BRWD1: variants seen among roughly 807,000 people sequenced by gnomAD.
BRWD1 encodes bromodomain and WD repeat domain containing 1, also known as bromodomain and WD repeat-containing protein 1.
In BRWD1, 82 loss-of-function variants were observed where a neutral mutation model predicts 251.2. The ratio of observed to expected loss-of-function variants is 0.33; its 90% CI spans 0.27 to 0.39. The LOEUF (loss-of-function observed/expected upper bound fraction) is 0.39, where lower values mean the gene tolerates loss of function less well. BRWD1 is among the 10% of genes least tolerant of loss of function. BRWD1 has a pLI of 1.00. For synonymous variants in BRWD1, 918 were observed against 902.8 expected (o/e 1.02, Z -0.30); for missense variants, 2,233 against 2,711.6 (o/e 0.82, Z 3.92).
rs2031714735 is a variant in BRWD1, at chr21:39,194,581, A to G, written c.*1678T>C. 1 of 1,473,084 alleles carries G rather than the reference A, an allele frequency of 6.8e-7. No individual in the cohort carries two copies. The highest frequency in any genetic ancestry group is 9.0e-7 in the Non-Finnish European group (1 of 1,116,738). 91.3% of individuals were successfully genotyped at this position (1,473,084 alleles called of 1,614,324 possible). A position where few individuals can be genotyped will look rare whatever the true frequency, so the allele number is the denominator to read the frequency against. On this transcript the variant is annotated 3_prime_UTR_variant, in exon 41 of 41. Transcript: ENST00000342449. ...CACCTATCTCAGTTGATAATGTCCA[A>G]AAACATCCTTCCCCATGCATCAGAG...
intron 17 of BRWD1, among the ~76,000 whole-genome samples, chr21:39,263,121 T>C (rs748770256): frequency 2.0e-5 from 3 of 152,102 alleles, no homozygotes; most frequent in Non-Finnish European, 4.4e-5. Flanking sequence ...TAAACACACA[T>C]ACACTTGAAT....
intron 27 of BRWD1, 24 bp downstream of exon 27, chr21:39,228,476 A>T: frequency 6.5e-7 from 1 of 1,549,304 alleles, no homozygotes; most frequent in Non-Finnish European, 8.9e-7. Flanking sequence ...AAGGGTATAT[A>T]AAACTTAGTA....
In BRWD1 at chr21:39,313,519, C is replaced by A. The variant is rs908949375; in HGVS notation, c.-28G>T. Reference sequence around the variant, plus strand: ...CCGGGCGCGGGGCGGGAGGCGGGAGCGAGCGAGCGAGCGGAGCGTGTAGGC... The same window carrying A: ...CCGGGCGCGGGGCGGGAGGCGGGAGAGAGCGAGCGAGCGGAGCGTGTAGGC... On this transcript the variant is annotated 5_prime_UTR_variant, in exon 1 of 41. Coordinates refer to ENST00000342449, the MANE Select transcript of BRWD1 (RefSeq NM_033656.4). 7.6e-7 allele frequency: 1 copy of A among 1,319,186 alleles called. No homozygotes were observed. The highest frequency in any genetic ancestry group is 9.6e-7 in the Non-Finnish European group (1 of 1,039,408). 81.7% of individuals were successfully genotyped at this position (1,319,186 alleles called of 1,614,324 possible). A position where few individuals can be genotyped will look rare whatever the true frequency, so the allele number is the denominator to read the frequency against.
At position 39,228,497 on chromosome 21, in the gene BRWD1, T is replaced by C; in HGVS notation, c.3208+3A>G. 3 of 1,606,812 alleles carry C rather than the reference T, an allele frequency of 1.9e-6. No homozygotes were observed. The highest frequency in any genetic ancestry group is 2.6e-6 in the Non-Finnish European group (3 of 1,173,788). ...ATATAAAACTTAGTAAGGATAGACTTACAAGACTGCCAATTCCTCTGTCTT... is the reference window on the plus strand; with the variant it reads ...ATATAAAACTTAGTAAGGATAGACTCACAAGACTGCCAATTCCTCTGTCTT... On this transcript the variant is annotated splice_donor_region_variant and intron_variant, in intron 27 of 40. Coordinates refer to ENST00000342449, the MANE Select transcript of BRWD1 (RefSeq NM_033656.4).
In BRWD1 at chr21:39,247,728, T is replaced by C; in HGVS notation, c.2454A>G (p.Gly818=). Residue 818 remains glycine, a synonymous_variant, in exon 21 of 41, where the codon GGA becomes GGG. Transcript: ENST00000342449. The stretch of plus-strand genomic sequence containing the variant: ...GTCTTACAGAGCTTGAAGACTCATT[T>C]CCAGAAGATAACTCACGCCAGCTAC... ...RNRSWRELSS[G]NESSSSVRHE... is the part of the protein sequence containing the mutation. 1 of 1,613,096 alleles carries C rather than the reference T, an allele frequency of 6.2e-7. No homozygotes were observed. The highest frequency in any genetic ancestry group is 1.1e-5 in the South Asian group (1 of 90,790).
chr21:39,264,377 AAAGGT>A (rs1419780866), intron 17 of BRWD1, 78 bp downstream of exon 17: 1 of 831,068 alleles, frequency 1.2e-6, no homozygotes, highest in Non-Finnish European at 1.8e-6. Context: ...TTGGGGATCT[AAAGGT>A]AAGGAAATTA....
intron 18 of BRWD1, among the ~76,000 whole-genome samples, chr21:39,257,284 G>C (rs945019382): frequency 2.0e-5 from 3 of 151,998 alleles, no homozygotes; most frequent in Non-Finnish European, 2.9e-5. Context: ...CAATACAGTA[G>C]GTGCCAGAAG....
intron 8 of BRWD1, among the ~76,000 whole-genome samples, chr21:39,286,160 G>A (rs780028988): frequency 5.9e-4 from 89 of 151,858 alleles, no homozygotes; most frequent in Admixed American, 5.2e-4. Context: ...GACTACAGGC[G>A]CTGGCCACCA....
At chr21:39,275,070 C>G (rs910399719) in intron 12 of BRWD1, among the ~76,000 whole-genome samples, 1 of 151,124 alleles carries the variant, frequency 6.6e-6, no homozygotes, top group Non-Finnish European at 1.5e-5. Flanking sequence ...AATAAGAATG[C>G]CAAGAAGAAA....
intron 29 of BRWD1, 93 bp downstream of exon 29, chr21:39,224,315 A>G: frequency 1.5e-6 from 1 of 657,968 alleles, no homozygotes. Flanking sequence ...GAATATATTG[A>G]TCATAGAATA....
chr21:39,248,672 A>ACC (rs1568913878), intron 20 of BRWD1, among the ~76,000 whole-genome samples: 2 of 103,890 alleles, frequency 1.9e-5, no homozygotes, highest in African/African-American at 3.9e-5. Flanking sequence ...AAAAAAAAAA[A>ACC]AAAAAAAAAC....
chr21:39,287,503 T>C (rs767043434), intron 8 of BRWD1, among the ~76,000 whole-genome samples: 2 of 152,188 alleles, frequency 1.3e-5, no homozygotes, highest in Non-Finnish European at 2.9e-5. Flanking sequence ...ATTTTCTTTT[T>C]GTGTCTTGTT....
Position 39,195,004 on chromosome 21 carries a change from C to A in BRWD1, c.*1255G>T, listed in dbSNP as rs936240260. On this transcript the variant is annotated 3_prime_UTR_variant, in exon 41 of 41. Transcript: ENST00000342449. Reference sequence around the variant, plus strand: ...AACAAGTTAGGAATGGCCATCTACACTGGAGTAGCATAACCTATCAAGTAT... The same window carrying A: ...AACAAGTTAGGAATGGCCATCTACAATGGAGTAGCATAACCTATCAAGTAT... The A allele has an allele frequency of 7.0e-7, 1 of 1,423,488 alleles. No homozygotes were observed. The highest frequency in any genetic ancestry group is 9.2e-7 in the Non-Finnish European group (1 of 1,092,884). The allele number at this position is 1,423,488 out of a possible 1,614,324, so 88.2% of individuals were successfully genotyped here.
chr21:39,232,822 C>T (rs1390957103), intron 23 of BRWD1, among the ~76,000 whole-genome samples: 1 of 152,150 alleles, frequency 6.6e-6, no homozygotes, highest in Non-Finnish European at 1.5e-5. Flanking sequence ...GCCAAGACTC[C>T]ACTCTGAGTT....
rs372034512 is a variant in BRWD1 at position 39,253,535 on chromosome 21, T to C, written c.2255+2110A>G. 4.5e-4 allele frequency among the ~76,000 whole-genome samples: 69 copies of C among 152,314 alleles called. No individual in the cohort carries two copies. In the East Asian group the frequency reaches 7.7e-3, roughly 17 times the overall value. ...CATCCCAAAATGACACTTTTGGTTCTGATGACCATAAGACTTAGACGCCAA... is the reference window on the plus strand; with the variant it reads ...CATCCCAAAATGACACTTTTGGTTCCGATGACCATAAGACTTAGACGCCAA... On this transcript the variant is annotated intron_variant, in intron 19 of 40. Transcript: ENST00000342449.
Position 39,187,203 on chromosome 21 carries a change from C to T in BRWD1, c.*9056G>A. On this transcript the variant is annotated 3_prime_UTR_variant, in exon 41 of 41. Coordinates refer to ENST00000342449, the MANE Select transcript of BRWD1 (RefSeq NM_033656.4). ...TTCGATGGGGCAGTTTTCTGCTACT[C>T]TTCCTAATCCAGACATTTTCTGGTC... 11 of 1,613,054 alleles carry T rather than the reference C, an allele frequency of 6.8e-6. No homozygotes were observed. The highest frequency in any genetic ancestry group is 9.3e-6 in the Non-Finnish European group (11 of 1,179,728).
At chr21:39,230,034 C>T (rs2033548582) in intron 25 of BRWD1, among the ~76,000 whole-genome samples, 1 of 152,202 alleles carries the variant, frequency 6.6e-6, no homozygotes, top group Non-Finnish European at 1.5e-5. Flanking sequence ...CTGCCACACC[C>T]AGTCAATGCA....
chr21:39,255,205 G>A (rs2034522257), intron 19 of BRWD1, among the ~76,000 whole-genome samples: 1 of 152,162 alleles, frequency 6.6e-6, no homozygotes, highest in Non-Finnish European at 1.5e-5. Context: ...GAGGTCAGGA[G>A]TTCGAGACCA....
intron 34 of BRWD1, 44 bp downstream of exon 34, chr21:39,212,622 A>C (rs767130921): frequency 6.9e-7 from 1 of 1,443,816 alleles, no homozygotes; most frequent in South Asian, 1.2e-5. Flanking sequence ...ATTTTAAAAC[A>C]AAGAAAAAGA....
Sources: allele counts gnomAD v4.1 joint callset (sites outside exome capture counted in the v4.1 genomes callset), GRCh38; gene constraint gnomAD v4.1.1; transcripts MANE v1.5; gene names NCBI Gene and HGNC (gene_info 2026-07-23, HGNC 2026-07-21).